The following OVCH1 variants were observed in gnomAD, a reference collection of about 807,000 sequenced individuals.
OVCH1 encodes ovochymase 1.
Under a neutral mutation model 138.4 loss-of-function variants are expected in OVCH1, and 139 were observed. The ratio of observed to expected loss-of-function variants is 1.00; its 90% confidence interval spans 0.87 to 1.16. OVCH1 has a LOEUF of 1.16. OVCH1 is among the 50% of genes most tolerant of loss of function. OVCH1 has a pLI of 0.00. For missense variants in OVCH1, 1,367 were observed against 1,357.9 expected (o/e 1.01, Z -0.11); for synonymous variants, 453 against 467.8 (o/e 0.97, Z 0.41).
At chr12:29,479,926 C>A (rs1484660794) in intron 8 of OVCH1, among the ~76,000 whole-genome samples, 1 of 150,642 alleles carries the variant, frequency 6.6e-6, no homozygotes, top group Middle Eastern at 3.5e-3. Context: ...CAGGTTCAAG[C>A]GATTCTTCTG....
chr12:29,457,274 T>C (rs1941979570), intron 19 of OVCH1, among the ~76,000 whole-genome samples: 2 of 152,108 alleles, frequency 1.3e-5, no homozygotes, highest in South Asian at 4.1e-4. Context: ...CAATACATCA[T>C]TTTTCAGGCA....
intron 22 of OVCH1, among the ~76,000 whole-genome samples, chr12:29,450,024 G>A (rs1941737205): frequency 6.6e-6 from 1 of 152,124 alleles, no homozygotes; most frequent in South Asian, 2.1e-4. Flanking sequence ...ACGCAAGATG[G>A]ATTAAAGACT....
At chr12:29,441,686 C>A (rs1458999089) in intron 25 of OVCH1, among the ~76,000 whole-genome samples, 1 of 152,040 alleles carries the variant, frequency 6.6e-6, no homozygotes, top group Non-Finnish European at 1.5e-5. Flanking sequence ...GAACAGGCAA[C>A]CTACAAAATG....
chr12:29,421,449 TAAG>T (rs1055439877), intron 3 of OVCH1, among the ~76,000 whole-genome samples: 142 of 152,294 alleles, frequency 9.3e-4, no homozygotes, highest in Middle Eastern at 6.8e-3. Flanking sequence ...GCTTTTAAAA[TAAG>T]AAGATCAATA....
intron 25 of OVCH1, among the ~76,000 whole-genome samples, chr12:29,441,326 A>G (rs1322968748): frequency 1.3e-5 from 2 of 152,118 alleles, no homozygotes; most frequent in Non-Finnish European, 2.9e-5. Flanking sequence ...CATATCTACA[A>G]CTATCTGATC....
At chr12:29,443,628 T>A in intron 24 of OVCH1, 128 bp from the exon 25 acceptor site, 1 of 960,588 alleles carries the variant, frequency 1.0e-6, no homozygotes, top group Non-Finnish European at 1.5e-6. Context: ...GTCTGTTTCC[T>A]TATGGTTGTG....
chr12:29,486,373 G>T, intron 7 of OVCH1, 25 bp from the exon 8 acceptor site: 1 of 1,491,180 alleles, frequency 6.7e-7, no homozygotes, highest in Non-Finnish European at 9.2e-7. Flanking sequence ...AGGAGTTAGT[G>T]CCTTTCCCAA....
chr12:29,443,454 T>C, exon 25 of OVCH1: 2 of 1,610,224 alleles, frequency 1.2e-6, no homozygotes, highest in Non-Finnish European at 1.7e-6. Flanking sequence ...TTAATAATAT[T>C]AAGCTGAATG....
chr12:29,482,895 CT>C (rs1458179403), intron 8 of OVCH1, among the ~76,000 whole-genome samples: 3 of 152,220 alleles, frequency 2.0e-5, no homozygotes, highest in Non-Finnish European at 2.9e-5. Context: ...CAAATATCCA[CT>C]TATCAAGAGC....
chr12:29,493,085 A>T (rs1943315528), intron 4 of OVCH1, among the ~76,000 whole-genome samples: 1 of 152,176 alleles, frequency 6.6e-6, no homozygotes, highest in South Asian at 2.1e-4. Context: ...CAGACATCTT[A>T]ACCTAATACA....
At chr12:29,468,372 G>T (rs1168203831) in intron 16 of OVCH1, among the ~76,000 whole-genome samples, 1 of 152,096 alleles carries the variant, frequency 6.6e-6, no homozygotes, top group Non-Finnish European at 1.5e-5. Flanking sequence ...ACTAACAAGT[G>T]GCTCACAAGC....
the OVCH1 span, among the ~76,000 whole-genome samples, chr12:29,407,417 T>A: frequency 6.6e-6 from 1 of 150,738 alleles, no homozygotes; most frequent in Admixed American, 6.7e-5. Flanking sequence ...CTAGGTTTTC[T>A]TCTAGGGTTT....
Position 29,451,565 on chromosome 12 carries a change from A to T in OVCH1, c.2535T>A (p.Cys845Ter), listed in dbSNP as rs903528916. Reference sequence around the variant, plus strand: ...GCTTTTCTAGCTCTGCTTCAGAGCAACAACCTGCAATTCAGAACACACAGA... The same window carrying T: ...GCTTTTCTAGCTCTGCTTCAGAGCATCAACCTGCAATTCAGAACACACAGA... The change falls in exon 22 of 28, where the codon TGT (cysteine) becomes TGA (stop). Residue 845 changes from cysteine to a stop codon, truncating the protein, a stop_gained. Coordinates refer to ENST00000318184, the Ensembl canonical transcript of OVCH1. LOFTEE classifies it high-confidence loss of function. 14 of 1,608,242 alleles carry T rather than the reference A, an allele frequency of 8.7e-6. No individual in the cohort carries two copies. In the Admixed American group the frequency reaches 2.4e-4, roughly 27 times the overall value.
rs74937229 is a variant in OVCH1, at chr12:29,414,020, CTTTTTTTTTTTT to C, written c.*72-1307_*72-1296del. Among the ~76,000 whole-genome samples, 265 of 38,540 alleles carry C rather than the reference CTTTTTTTTTTTT, an allele frequency of 6.9e-3. 1 individual carries two copies. Among genetic ancestry groups the C allele is most frequent in the African/African-American group, 0.014 (245 of 17,446 alleles). The allele number at this position is 38,540 out of a possible 152,430, so 25.3% of individuals were successfully genotyped here. A position where few individuals can be genotyped will look rare whatever the true frequency, so the allele number is the denominator to read the frequency against. On this transcript the variant is annotated intron_variant and NMD_transcript_variant, in intron 3 of 4. Coordinates refer to the OVCH1 transcript ENST00000539117. ...GCTGGCTTTTCTCCTCTCTCTCTCT[CTTTTTTTTTTTT>C]TTTTTTTTTTGGAGTATTGCTCTGT...
At chr12:29,418,738 T>C (rs1341851620) in intron 3 of OVCH1, among the ~76,000 whole-genome samples, 1 of 152,234 alleles carries the variant, frequency 6.6e-6, no homozygotes, top group African/African-American at 2.4e-5. Context: ...GTAACTTCTT[T>C]CTGTTACCAG....
chr12:29,444,711 G>A (rs912510898), intron 23 of OVCH1, among the ~76,000 whole-genome samples: 1 of 152,008 alleles, frequency 6.6e-6, no homozygotes, highest in East Asian at 1.9e-4. Flanking sequence ...GCCAAGGGGG[G>A]AAACTAGCTT....
chr12:29,468,145 G>A (rs192004667), intron 16 of OVCH1, among the ~76,000 whole-genome samples: 41 of 152,192 alleles, frequency 2.7e-4, no homozygotes, highest in Non-Finnish European at 4.1e-4. Context: ...ATGCATGTAC[G>A]TTTAAATATT....
At chr12:29,452,029 C>T (rs945535726) in intron 21 of OVCH1, among the ~76,000 whole-genome samples, 2 of 152,152 alleles carry the variant, frequency 1.3e-5, no homozygotes, top group South Asian at 4.1e-4. Context: ...CTTCAGCTTG[C>T]TAAGTCCAAG....
exon 25 of OVCH1, chr12:29,443,363 A>G (rs1377116552): frequency 1.9e-6 from 3 of 1,609,936 alleles, no homozygotes; most frequent in Non-Finnish European, 2.5e-6. Context: ...TCAGTTACCT[A>G]TTAATTTTTT....
Sources: allele counts gnomAD v4.1 joint callset (sites outside exome capture counted in the v4.1 genomes callset), GRCh38; gene constraint gnomAD v4.1.1; transcripts MANE v1.5; gene names NCBI Gene and HGNC (gene_info 2026-07-23, HGNC 2026-07-21).